Variants in CASC3 observed in about 807,000 individuals in gnomAD.
CASC3 encodes the protein CASC3 exon junction complex subunit.
A neutral mutation model predicts 80.5 loss-of-function variants in CASC3; 30 were observed. That is an observed-to-expected ratio of 0.37 (90% CI 0.28 to 0.51). The LOEUF (loss-of-function observed/expected upper bound fraction) is 0.51, where lower values mean the gene tolerates loss of function less well. CASC3 is among the 20% of genes least tolerant of loss of function. The pLI is 0.94. For synonymous variants in CASC3, 312 were observed against 333.6 expected, an observed-to-expected ratio of 0.94 and a Z score of 0.70; for missense variants, 824 against 922.2, an observed-to-expected ratio of 0.89 and a Z score of 1.38.
intron 8 of CASC3, 53 bp from the exon 9 acceptor site, chr17:40,167,445 G>C: frequency 7.6e-7 from 1 of 1,311,828 alleles, no homozygotes; most frequent in Non-Finnish European, 1.1e-6. Flanking sequence ...GGTAGGACTT[G>C]ATATGAGAGC....
intron 7 of CASC3, among the ~76,000 whole-genome samples, chr17:40,165,992 C>T (rs932747268): frequency 6.6e-6 from 1 of 151,948 alleles, no homozygotes; most frequent in South Asian, 2.1e-4. Context: ...TGGTCTTGAA[C>T]TCCTGGGCTC....
chr17:40,165,625 C>G (rs1490110495), intron 7 of CASC3, among the ~76,000 whole-genome samples: 2 of 152,158 alleles, frequency 1.3e-5, no homozygotes, highest in Non-Finnish European at 2.9e-5. Flanking sequence ...TCAAGATCTT[C>G]TCTAATATAT....
At chr17:40,160,875 A>G (rs1469185038) in intron 3 of CASC3, among the ~76,000 whole-genome samples, 3 of 151,762 alleles carry the variant, frequency 2.0e-5, no homozygotes, top group African/African-American at 7.3e-5. Context: ...CCAGCCTGCC[A>G]CTTTTAATAA....
At chr17:40,143,952 A>C (rs1302448657) in intron 3 of CASC3, among the ~76,000 whole-genome samples, 1 of 151,896 alleles carries the variant, frequency 6.6e-6, no homozygotes, top group East Asian at 1.9e-4. Context: ...TTGTATATCT[A>C]TATAAAAATA....
At chr17:40,156,761 T>G (rs1989156867) in intron 3 of CASC3, among the ~76,000 whole-genome samples, 1 of 152,066 alleles carries the variant, frequency 6.6e-6, no homozygotes, top group East Asian at 1.9e-4. Context: ...CTATCCTGTC[T>G]GGGTACAGTC....
At chr17:40,166,026 A>G (rs907088668) in intron 7 of CASC3, among the ~76,000 whole-genome samples, 10 of 152,132 alleles carry the variant, frequency 6.6e-5, no homozygotes, top group Non-Finnish European at 1.5e-4. Context: ...TCTGCCACCC[A>G]GAGTGCTGGG....
Position 40,163,977 on chromosome 17 carries a change from C to T in CASC3, c.1282C>T (p.Pro428Ser). ...VKLAEEVPPP[P>S]EGLIPAPPVP... is the part of the protein sequence containing the mutation. ...GCTTGCAGAGGAGGTGCCCCCTCCT[C>T]CTGAAGGACTGATTCCAGCACCTCC... Residue 428 changes from proline (P) to serine (S), a missense_variant, in exon 7 of 14, where the codon CCT becomes TCT. Coordinates refer to ENST00000264645, the MANE Select transcript of CASC3 (RefSeq NM_007359.5). 1 of 1,614,138 alleles carries T rather than the reference C, an allele frequency of 6.2e-7. No individual in the cohort carries two copies. The highest frequency in any genetic ancestry group is 1.1e-5 in the South Asian group (1 of 91,082).
At position 40,149,261 on chromosome 17, in the gene CASC3, C is replaced by T. The variant is rs375665018; in HGVS notation, c.297+7654C>T. ...AAGAGAGATAAAACTGTGCCACTGC[C>T]ATTTTCTGAGAGTCTTCCAAGAATT... is the stretch of plus-strand genomic sequence containing the variant. On this transcript the variant is annotated intron_variant, in intron 3 of 13. Transcript: ENST00000264645. 3.6e-4 allele frequency among the ~76,000 whole-genome samples: 54 copies of T among 151,026 alleles called. No individual in the cohort carries two copies. The East Asian group carries it at 0.01, about 29-fold the overall frequency.
At chr17:40,161,681 G>T (rs985716737) in intron 3 of CASC3, 72 bp from the exon 4 acceptor site, 169 of 1,334,118 alleles carry the variant, frequency 1.3e-4, no homozygotes, top group Non-Finnish European at 1.7e-4. Context: ...TTTTGGGGTT[G>T]GGGGCAGGGG....
intron 7 of CASC3, 76 bp downstream of exon 7, chr17:40,164,242 A>C: frequency 8.6e-7 from 1 of 1,166,960 alleles, no homozygotes; most frequent in Admixed American, 2.7e-5. Context: ...CTTCTGTCTC[A>C]GGAAGGTGGT....
intron 3 of CASC3, among the ~76,000 whole-genome samples, chr17:40,149,675 G>T (rs894956976): frequency 2.6e-5 from 4 of 152,188 alleles, no homozygotes; most frequent in Non-Finnish European, 5.9e-5. Context: ...TAATTACAGA[G>T]AAGTGGGAAG....
rs758657040 is a variant in CASC3, at chr17:40,163,882, A to C, written c.1187A>C (p.Asp396Ala). Residue 396 changes from aspartate to alanine, a missense_variant, in exon 7 of 14, where the codon GAT (aspartate) becomes GCT (alanine). Physicochemically the swap from Asp to Ala is moderately radical, Grantham distance 126 (BLOSUM62 -2). Transcript: ENST00000264645. ...AAPDAAPPPP[D>A]RPIEKKSYSR... ...CCTGATGCTGCACCACCACCCCCTGATAGGCCCATTGAGAAGAAATCCTAT... is the reference window on the plus strand; with the variant it reads ...CCTGATGCTGCACCACCACCCCCTGCTAGGCCCATTGAGAAGAAATCCTAT... 3 of 1,614,142 alleles carry C rather than the reference A, an allele frequency of 1.9e-6. No individual in the cohort carries two copies. The highest frequency in any genetic ancestry group is 2.5e-6 in the Non-Finnish European group (3 of 1,180,026).
intron 7 of CASC3, 130 bp from the exon 8 acceptor site, chr17:40,166,666 TA>T (rs1428561014): frequency 1.3e-4 from 75 of 577,478 alleles, no homozygotes; most frequent in African/African-American, 1.3e-3. Context: ...AGATAGTTTA[TA>T]GAGAATTTTA....
intron 8 of CASC3, chr17:40,167,220 A>C: frequency 5.8e-6 from 3 of 518,380 alleles, no homozygotes; most frequent in South Asian, 2.5e-5. Flanking sequence ...TGGCCTCCCA[A>C]AGTATTGGGA....
At chr17:40,148,777 C>T in intron 3 of CASC3, among the ~76,000 whole-genome samples, 1 of 152,176 alleles carries the variant, frequency 6.6e-6, no homozygotes, top group East Asian at 1.9e-4. Flanking sequence ...TCTGCTTTCT[C>T]CTGCGTGGAC....
At position 40,167,630 on chromosome 17, in the gene CASC3, G is replaced by C. The variant is rs762478532; in HGVS notation, c.1651+18G>C. The C allele has an allele frequency of 5.8e-5, 91 of 1,582,264 alleles. No homozygotes were observed. The highest frequency in any genetic ancestry group is 1.7e-5 in the Admixed American group (1 of 59,746). ...TGATCCACGTGAGTTTTTTCTTACT[G>C]TTGGGGTACTTTTCTTGGCAGGGTG... On this transcript the variant is annotated intron_variant, in intron 9 of 13. Coordinates refer to ENST00000264645, the MANE Select transcript of CASC3 (RefSeq NM_007359.5).
chr17:40,141,631 A>G (rs951765324), intron 3 of CASC3, 24 bp downstream of exon 3: 9 of 1,593,962 alleles, frequency 5.6e-6, no homozygotes, highest in East Asian at 2.2e-5. Flanking sequence ...GTTTTTTCCT[A>G]TGGTATAGAT....
rs1405105307 is a variant in CASC3 at position 40,172,056 on chromosome 17, G to A, written c.*1651G>A. ...AGAGTTGTCTCTGTTGGTCCACTGT[G>A]TTTAGTTGCAAGGATTTTTCCATGT... On this transcript the variant is annotated 3_prime_UTR_variant, in exon 14 of 14. Coordinates refer to ENST00000264645, the MANE Select transcript of CASC3 (RefSeq NM_007359.5). 2 of 1,289,846 alleles carry A rather than the reference G, an allele frequency of 1.6e-6. No individual in the cohort carries two copies. The highest frequency in any genetic ancestry group is 2.0e-6 in the Non-Finnish European group (2 of 988,876). The allele number at this position is 1,289,846 out of a possible 1,614,324, so 79.9% of individuals were successfully genotyped here.
chr17:40,143,477 T>C (rs1395315068), intron 3 of CASC3, among the ~76,000 whole-genome samples: 1 of 151,482 alleles, frequency 6.6e-6, no homozygotes, highest in African/African-American at 2.4e-5. Context: ...ATGACTAAGA[T>C]CTAGAATTTC....
Sources: allele counts gnomAD v4.1 joint callset (sites outside exome capture counted in the v4.1 genomes callset), GRCh38; gene constraint gnomAD v4.1.1; transcripts MANE v1.5; gene names NCBI Gene and HGNC (gene_info 2026-07-23, HGNC 2026-07-21).